Variants in GALNT2 observed in about 807,000 individuals in gnomAD.
The protein encoded by GALNT2 is UDP-GalNAc:polypeptide N-acetylgalactosaminyltransferase 2.
GALNT2 carries 31 observed loss-of-function variants against 81.4 expected under a neutral mutation model. The observed-to-expected ratio is 0.38, with a 90% CI of 0.29 to 0.51. The LOEUF (loss-of-function observed/expected upper bound fraction) is 0.51, where lower values mean the gene tolerates loss of function less well. Ranked by LOEUF, GALNT2 falls within the 20% of genes least tolerant of loss-of-function variation. The pLI is 0.87. For missense variants in GALNT2, 629 were observed against 765.7 expected, an observed-to-expected ratio of 0.82 and a Z score of 2.11; for synonymous variants, 303 against 287.4, an observed-to-expected ratio of 1.05 and a Z score of -0.55.
At chr1:230,181,143 A>T (rs1207823481) in intron 2 of GALNT2, among the ~76,000 whole-genome samples, 2 of 151,900 alleles carry the variant, frequency 1.3e-5, no homozygotes, top group Admixed American at 1.3e-4. Flanking sequence ...GTTGAAGAAG[A>T]GTGGTGAGGG....
At chr1:230,126,463 A>G (rs568105994) in intron 1 of GALNT2, among the ~76,000 whole-genome samples, 1 of 152,064 alleles carries the variant, frequency 6.6e-6, no homozygotes, top group Non-Finnish European at 1.5e-5. Context: ...TTTGTCTTAT[A>G]TCATAAGGGG....
chr1:230,085,420 G>A (rs143209103), intron 1 of GALNT2, among the ~76,000 whole-genome samples: 2 of 152,330 alleles, frequency 1.3e-5, no homozygotes, highest in African/African-American at 4.8e-5. Context: ...GGCTGTTAGA[G>A]GATGCTAGGT....
Position 230,243,504 on chromosome 1 carries a change from G to C in GALNT2, c.729+77G>C, listed in dbSNP as rs1665266511. On this transcript the variant is annotated intron_variant, in intron 7 of 15. Coordinates refer to ENST00000366672, the MANE Select transcript of GALNT2 (RefSeq NM_004481.5). The surrounding 1 kb of genome is among the most constrained non-coding windows in gnomAD (Gnocchi z 4.2). Reference sequence around the variant, plus strand: ...GGGACAGAAGGGAGCATGGTCCAGGGGAGGTGTAACGCAGGGAGTAGGGCG... The same window carrying C: ...GGGACAGAAGGGAGCATGGTCCAGGCGAGGTGTAACGCAGGGAGTAGGGCG... The C allele has an allele frequency of 6.4e-7, 1 of 1,556,312 alleles. No homozygotes were observed. The highest frequency in any genetic ancestry group is 1.4e-5 in the African/African-American group (1 of 72,998).
chr1:230,261,486 TG>T, intron 11 of GALNT2, among the ~76,000 whole-genome samples: 1 of 152,210 alleles, frequency 6.6e-6, no homozygotes, highest in Middle Eastern at 3.2e-3. Flanking sequence ...TAGCCTGAAG[TG>T]GGAGTCCACC....
chr1:230,105,241 A>G (rs1347418904), intron 1 of GALNT2, among the ~76,000 whole-genome samples: 2 of 152,228 alleles, frequency 1.3e-5, no homozygotes, highest in Non-Finnish European at 2.9e-5. Flanking sequence ...TCTGAAATGC[A>G]AACAGGTTCC....
intron 1 of GALNT2, among the ~76,000 whole-genome samples, chr1:230,127,883 T>C (rs1406735080): frequency 1.3e-5 from 2 of 152,194 alleles, no homozygotes. Context: ...TGGGATGTCT[T>C]ACAGGCCAAG....
chr1:230,196,446 T>A (rs1309382027), intron 2 of GALNT2, among the ~76,000 whole-genome samples: 1 of 152,196 alleles, frequency 6.6e-6, no homozygotes, highest in Non-Finnish European at 1.5e-5. Flanking sequence ...CTGATCAACT[T>A]GGGGAAAATA....
intron 3 of GALNT2, among the ~76,000 whole-genome samples, chr1:230,228,158 A>G (rs1197234663): frequency 6.6e-6 from 1 of 152,248 alleles, no homozygotes; most frequent in Non-Finnish European, 1.5e-5. Flanking sequence ...CAAGACTTTC[A>G]TGGAGAAAAT....
chr1:230,245,680 A>G (rs1553273165), intron 7 of GALNT2, among the ~76,000 whole-genome samples: 1 of 152,216 alleles, frequency 6.6e-6, no homozygotes, highest in Non-Finnish European at 1.5e-5. Flanking sequence ...AGTTTACTGC[A>G]GCTCACAAAT....
intron 1 of GALNT2, among the ~76,000 whole-genome samples, chr1:230,074,726 A>C (rs921799617): frequency 6.6e-6 from 1 of 152,248 alleles, no homozygotes; most frequent in Non-Finnish European, 1.5e-5. Flanking sequence ...AAATTTAATA[A>C]ACACTTTCAT....
chr1:230,265,404 A>C (rs368968632), intron 14 of GALNT2, 37 bp downstream of exon 14: 2 of 1,613,658 alleles, frequency 1.2e-6, no homozygotes, highest in African/African-American at 2.7e-5. Context: ...CTGCAGGCCC[A>C]GAGAGAGCAG....
In GALNT2 at chr1:230,154,769, G is replaced by T. The variant is rs571475852; in HGVS notation, c.127-23449G>T. Among the ~76,000 whole-genome samples the T allele has an allele frequency of 5.3e-5, 8 of 152,236 alleles. No homozygotes were observed. The South Asian group carries it at 1.7e-3, about 32-fold the overall frequency. ...GCCCTCGGAAGGAACAAACCCTGTCGCCCCTTGAGCGCAGACTTCCAGAAC... is the reference window on the plus strand; with the variant it reads ...GCCCTCGGAAGGAACAAACCCTGTCTCCCCTTGAGCGCAGACTTCCAGAAC... On this transcript the variant is annotated intron_variant, in intron 1 of 15. Transcript: ENST00000366672.
chr1:230,254,165 C>T (rs909464704), intron 10 of GALNT2, among the ~76,000 whole-genome samples: 7 of 152,144 alleles, frequency 4.6e-5, no homozygotes, highest in African/African-American at 1.2e-4. Flanking sequence ...TGCATTCAGT[C>T]GGACCCCTGA....
At position 230,262,581 on chromosome 1, in the gene GALNT2, G is replaced by A. The variant is rs1389631551; in HGVS notation, c.1145G>A (p.Arg382His). 1.2e-6 allele frequency: 2 copies of A among 1,613,668 alleles called. No homozygotes were observed. Among genetic ancestry groups the A allele is most frequent in the African/African-American group, 1.3e-5 (1 of 74,926 alleles). ...ATTTATTTTCTTTCTAGAAACACCC[G>A]CCGGGCAGCAGAGGTCTGGATGGAT... ...GSGTVFARNT[R>H]RAAEVWMDEY... The change falls in exon 12 of 16, where the codon CGC (arginine) becomes CAC (histidine). Residue 382 changes from arginine (R) to histidine (H), a missense_variant. Around this residue, in one of 3 missense-constraint regions of GALNT2, gnomAD observed 360 missense variants for 492.8 expected, o/e 0.73. Coordinates refer to ENST00000366672, the MANE Select transcript of GALNT2 (RefSeq NM_004481.5).
chr1:230,081,079 G>A (rs1047327299), intron 1 of GALNT2, among the ~76,000 whole-genome samples: 8 of 152,102 alleles, frequency 5.3e-5, no homozygotes, highest in African/African-American at 1.4e-4. Flanking sequence ...TACTTTCCTC[G>A]AAAGCGCCTC....
intron 1 of GALNT2, among the ~76,000 whole-genome samples, chr1:230,081,767 G>C (rs1659738916): frequency 6.6e-6 from 1 of 152,202 alleles, no homozygotes; most frequent in Non-Finnish European, 1.5e-5. Context: ...GGAATGACCT[G>C]TGTGAAAACC....
intron 1 of GALNT2, among the ~76,000 whole-genome samples, chr1:230,098,833 G>A (rs1337220476): frequency 6.6e-6 from 1 of 152,162 alleles, no homozygotes; most frequent in African/African-American, 2.4e-5. Flanking sequence ...AGTTGCTTTA[G>A]CCTCCACAAG....
intron 1 of GALNT2, among the ~76,000 whole-genome samples, chr1:230,112,438 T>G (rs935296197): frequency 4.6e-5 from 7 of 151,802 alleles, no homozygotes; most frequent in African/African-American, 1.7e-4. Flanking sequence ...TGTTCCTGTT[T>G]TCATGGAGTC....
intron 1 of GALNT2, among the ~76,000 whole-genome samples, chr1:230,090,083 A>C (rs143983967): frequency 6.6e-6 from 1 of 152,326 alleles, no homozygotes; most frequent in East Asian, 1.9e-4. Flanking sequence ...GATAGTAGCC[A>C]TCCTAATGGA....
Sources: gnomAD v4.1 joint callset for allele counts (sites outside exome capture counted in the v4.1 genomes callset) on GRCh38, gnomAD v4.1.1 for gene constraint, gnomAD v4.1.1 regional missense constraint, Gnocchi (gnomAD v3.1) non-coding constraint, MANE v1.5 for transcripts, NCBI Gene and HGNC (gene_info 2026-07-23, HGNC 2026-07-21) for gene names.